The following TRAPPC9 variants were observed in gnomAD, a reference collection of about 807,000 sequenced individuals.
The protein encoded by TRAPPC9 is IKK2 binding protein.
In TRAPPC9, 83 loss-of-function variants were observed where a neutral mutation model predicts 124.0. The observed-to-expected ratio is 0.67, with a 90% CI of 0.56 to 0.80. The LOEUF is 0.80. Among genes scored for constraint, TRAPPC9 ranks in the 30% least tolerant of loss-of-function variants. The pLI, the probability that TRAPPC9 is intolerant of heterozygous loss-of-function variation, is 0.00. For missense variants in TRAPPC9, 1,302 were observed against 1,508.3 expected, an observed-to-expected ratio of 0.86 and a Z score of 2.27; for synonymous variants, 638 against 617.5, an observed-to-expected ratio of 1.03 and a Z score of -0.49.
intron 17 of TRAPPC9, among the ~76,000 whole-genome samples, chr8:140,037,558 C>G (rs570615095): frequency 6.6e-6 from 1 of 151,966 alleles, no homozygotes; most frequent in African/African-American, 2.4e-5. Flanking sequence ...CCTCCTGTCT[C>G]AGGTCAAACA....
chr8:140,102,995 G>T (rs1173553229), intron 17 of TRAPPC9, among the ~76,000 whole-genome samples: 1 of 152,156 alleles, frequency 6.6e-6, no homozygotes, highest in Non-Finnish European at 1.5e-5. Flanking sequence ...ATAATCCTGA[G>T]CAAACAAGCA....
At chr8:140,399,652 A>G (rs555268156) in intron 6 of TRAPPC9, among the ~76,000 whole-genome samples, 48 of 152,302 alleles carry the variant, frequency 3.2e-4, no homozygotes, top group African/African-American at 1.2e-3. Context: ...TCTAGGAAAT[A>G]AGCAGCTGCT....
At chr8:139,978,853 C>T (rs1036843877) in intron 19 of TRAPPC9, among the ~76,000 whole-genome samples, 6 of 152,204 alleles carry the variant, frequency 3.9e-5, no homozygotes, top group Non-Finnish European at 8.8e-5. Flanking sequence ...TCCCAGAGAA[C>T]CAGTGGAGCT....
rs776155126 is a variant in TRAPPC9 at position 140,033,658 on chromosome 8, G to GTTTTTTTTT, written c.2557-9588_2557-9580dup. 1.6e-3 allele frequency among the ~76,000 whole-genome samples: 67 copies of GTTTTTTTTT among 42,382 alleles called. 13 individuals are homozygous for GTTTTTTTTT. The highest frequency in any genetic ancestry group is 2.9e-3 in the Non-Finnish European group (53 of 18,100). The allele number at this position is 42,382 out of a possible 152,430, so 27.8% of individuals were successfully genotyped here. Reference sequence around the variant, plus strand: ...TTGAAATGCAACTCTTCATAATGTGGTTTTTTTTTTTTTTTTTTTTTTTTT... The same window carrying GTTTTTTTTT: ...TTGAAATGCAACTCTTCATAATGTGGTTTTTTTTTTTTTTTTTTTTTTTTTTTTTTTTTT... On this transcript the variant is annotated intron_variant, in intron 17 of 22. Transcript: ENST00000438773.
intron 17 of TRAPPC9, among the ~76,000 whole-genome samples, chr8:140,030,338 T>C (rs1840425496): frequency 6.6e-6 from 1 of 152,228 alleles, no homozygotes; most frequent in Non-Finnish European, 1.5e-5. Flanking sequence ...TAAAACTATC[T>C]TTGTTTGCAG....
At chr8:140,194,573 G>A (rs2062589904) in intron 17 of TRAPPC9, among the ~76,000 whole-genome samples, 1 of 152,064 alleles carries the variant, frequency 6.6e-6, no homozygotes. Context: ...GGACACAGAG[G>A]CCAACTGTAA....
At chr8:140,121,104 T>C (rs2060979124) in intron 17 of TRAPPC9, among the ~76,000 whole-genome samples, 1 of 152,260 alleles carries the variant, frequency 6.6e-6, no homozygotes, top group Admixed American at 6.5e-5. Flanking sequence ...AAGAGCTCTC[T>C]ATCAACTTTC....
chr8:139,822,513 C>T (rs1232845963), intron 21 of TRAPPC9, among the ~76,000 whole-genome samples: 2 of 152,170 alleles, frequency 1.3e-5, no homozygotes, highest in Admixed American at 6.5e-5. Flanking sequence ...TATTGACACC[C>T]TATTGTGCGG....
intron 17 of TRAPPC9, among the ~76,000 whole-genome samples, chr8:140,141,800 A>G (rs1415000079): frequency 6.6e-6 from 1 of 152,208 alleles, no homozygotes; most frequent in Non-Finnish European, 1.5e-5. Flanking sequence ...GGCAGTGGCT[A>G]CCTAGCTACC....
rs1345807445 is a variant in TRAPPC9 at position 140,101,534 on chromosome 8, TTTTTTTG to T, written c.2557-77462_2557-77456del. ...TTGGGTTGGTTTTGTAGGGTTTTCT[TTTTTTTG>T]TTTTTTTTTTTTTTTTTTGAGACGT... On this transcript the variant is annotated intron_variant, in intron 17 of 22. Coordinates refer to ENST00000438773, the MANE Select transcript of TRAPPC9 (RefSeq NM_001160372.4). 7.0e-4 allele frequency among the ~76,000 whole-genome samples: 93 copies of T among 132,886 alleles called. 3 individuals are homozygous for T. Among genetic ancestry groups the T allele is most frequent in the African/African-American group, 2.1e-3 (70 of 33,950 alleles). The allele number at this position is 132,886 out of a possible 152,430, so 87.2% of individuals were successfully genotyped here. A position where few individuals can be genotyped will look rare whatever the true frequency, so the allele number is the denominator to read the frequency against.
At chr8:140,414,108 C>T (rs2069813309) in intron 5 of TRAPPC9, among the ~76,000 whole-genome samples, 1 of 151,950 alleles carries the variant, frequency 6.6e-6, no homozygotes. Context: ...ACTGGAGATA[C>T]ATCATCAAAA....
intron 11 of TRAPPC9, among the ~76,000 whole-genome samples, chr8:140,292,559 G>A (rs1469012697): frequency 6.6e-6 from 1 of 152,180 alleles, no homozygotes; most frequent in Non-Finnish European, 1.5e-5. Flanking sequence ...ACAGAGATGA[G>A]GACTGACTCC....
intron 21 of TRAPPC9, among the ~76,000 whole-genome samples, chr8:139,884,176 C>A (rs952007898): frequency 6.6e-6 from 1 of 152,130 alleles, no homozygotes; most frequent in Admixed American, 6.5e-5. Flanking sequence ...CCCTCCCTAC[C>A]CTTAGGGCCC....
chr8:140,315,861 T>C (rs1350474111), intron 9 of TRAPPC9, among the ~76,000 whole-genome samples: 1 of 152,220 alleles, frequency 6.6e-6, no homozygotes, highest in Non-Finnish European at 1.5e-5. Flanking sequence ...AATATGTTAT[T>C]GGTATGTGTT....
In TRAPPC9 at chr8:140,011,195, C is replaced by T. The variant is rs144818952; in HGVS notation, c.2699+12742G>A. ...TCTCTACTAAAAATACAAAAATTAG[C>T]TGGGCGTGGTGAGGCAGGCGCCTGT... On this transcript the variant is annotated intron_variant, in intron 18 of 22. Transcript: ENST00000438773. Among the ~76,000 whole-genome samples the T allele has an allele frequency of 2.5e-3, 373 of 151,868 alleles. 3 individuals carry two copies. The highest frequency in any genetic ancestry group is 0.013 in the East Asian group (67 of 5,112).
intron 17 of TRAPPC9, among the ~76,000 whole-genome samples, chr8:140,039,191 G>A (rs574956865): frequency 1.3e-4 from 20 of 152,296 alleles, no homozygotes; most frequent in South Asian, 6.2e-4. Context: ...TACTGTCCAC[G>A]GCCTGTCTGA....
chr8:140,435,216 G>A lies in TRAPPC9; in HGVS notation c.755C>T (p.Ala252Val). The A allele has an allele frequency of 6.2e-7, 1 of 1,614,156 alleles. No homozygotes were observed. The highest frequency in any genetic ancestry group is 8.5e-7 in the Non-Finnish European group (1 of 1,180,026). ...ACCAGGATAGTGATAGATGACAGAAGCTGAACACAATCCTTCCAGGGCAGC... is the reference window on the plus strand; with the variant it reads ...ACCAGGATAGTGATAGATGACAGAAACTGAACACAATCCTTCCAGGGCAGC... Reference protein sequence around the residue: ...LGAALEGLCSASVIYHYPGGT... With the variant: ...LGAALEGLCSVSVIYHYPGGT... The change falls in exon 4 of 23, where the codon GCT (alanine) becomes GTT (valine). Residue 252 changes from alanine to valine, a missense_variant. Around this residue, in one of 3 missense-constraint regions of TRAPPC9, gnomAD observed 657 missense variants for 811.2 expected, o/e 0.81. Coordinates refer to ENST00000438773, the MANE Select transcript of TRAPPC9 (RefSeq NM_001160372.4).
Position 140,194,533 on chromosome 8 carries a change from C to T in TRAPPC9, c.2556+26926G>A, listed in dbSNP as rs535985973. On this transcript the variant is annotated intron_variant, in intron 17 of 22. Coordinates refer to ENST00000438773, the MANE Select transcript of TRAPPC9 (RefSeq NM_001160372.4). ...TGCTTGAATACTTTCAATCCAAGGT[C>T]GGTTGAATCCACAGCTGTGGAACCC... 1.9e-4 allele frequency among the ~76,000 whole-genome samples: 29 copies of T among 152,234 alleles called. No homozygotes were observed. In the East Asian group the frequency reaches 5.4e-3, roughly 28 times the overall value.
chr8:139,947,907 T>TATATATATATATATATATATAGAGAG, intron 19 of TRAPPC9, among the ~76,000 whole-genome samples: 22 of 60,312 alleles, frequency 3.6e-4, no homozygotes, highest in Non-Finnish European at 6.0e-4. Flanking sequence ...TATATATATA[T>TATATATATATATATATATATAGAGAG]AGAGAGAGAG....
Sources: allele counts gnomAD v4.1 joint callset (sites outside exome capture counted in the v4.1 genomes callset), GRCh38; gene constraint gnomAD v4.1.1; regional missense constraint gnomAD v4.1.1; transcripts MANE v1.5; gene names NCBI Gene and HGNC (gene_info 2026-07-23, HGNC 2026-07-21).